The following HSPA4 variants were observed in gnomAD, a reference collection of about 807,000 sequenced individuals.
HSPA4 encodes the protein heat shock 70 kDa protein 4.
In HSPA4, 25 loss-of-function variants were observed where a neutral mutation model predicts 106.2. That is an observed-to-expected ratio of 0.24 (90% CI 0.17 to 0.33). HSPA4 has a LOEUF of 0.33. Among genes scored for constraint, HSPA4 ranks in the 10% least tolerant of loss-of-function variants. The probability of loss-of-function intolerance (pLI) is 1.00; values close to 1 mark genes in which losing one functional copy is unlikely to be tolerated. For missense variants in HSPA4, 841 were observed against 996.0 expected (o/e 0.84, Z 2.10); for synonymous variants, 332 against 333.6 (o/e 1.00, Z 0.05).
At chr5:133,059,761 A>C (rs1561575711) in intron 1 of HSPA4, among the ~76,000 whole-genome samples, 1 of 151,980 alleles carries the variant, frequency 6.6e-6, no homozygotes, top group Non-Finnish European at 1.5e-5. Flanking sequence ...CATTTCTCAG[A>C]GAATATAGGA....
intron 13 of HSPA4, among the ~76,000 whole-genome samples, chr5:133,094,526 A>C (rs114104486): frequency 1.3e-3 from 196 of 152,336 alleles, no homozygotes; most frequent in Non-Finnish European, 2.5e-3. Context: ...TCAAGATGGA[A>C]GACCCTTTAT....
At chr5:133,060,898 C>T (rs1287177461) in intron 1 of HSPA4, among the ~76,000 whole-genome samples, 1 of 146,732 alleles carries the variant, frequency 6.8e-6, no homozygotes, top group African/African-American at 2.6e-5. Context: ...TAGCTCACTG[C>T]AACCTTGACT....
chr5:133,052,873 G>C (rs965978699), intron 1 of HSPA4: 5 of 153,050 alleles, frequency 3.3e-5, no homozygotes, highest in African/African-American at 1.2e-4. Flanking sequence ...GGAAGAGAGC[G>C]AGCTGGAGCA....
intron 13 of HSPA4, 102 bp downstream of exon 13, chr5:133,092,891 G>T (rs913212618): frequency 3.0e-6 from 2 of 657,464 alleles, no homozygotes; most frequent in East Asian, 5.9e-5. Flanking sequence ...CATGATCTCG[G>T]CTCGCTGCAT....
chr5:133,096,315 C>G, intron 14 of HSPA4, 65 bp downstream of exon 14: 1 of 1,440,364 alleles, frequency 6.9e-7, no homozygotes, highest in Non-Finnish European at 9.6e-7. Context: ...TATTCAGACT[C>G]TGTGTCTAGT....
At chr5:133,090,067 T>C (rs546814017) in intron 11 of HSPA4, among the ~76,000 whole-genome samples, 3 of 152,336 alleles carry the variant, frequency 2.0e-5, no homozygotes, top group East Asian at 1.9e-4. Context: ...TTATAACTTA[T>C]GTATAAGGTG....
chr5:133,071,444 TC>T (rs1418902604), intron 4 of HSPA4, among the ~76,000 whole-genome samples: 1 of 152,170 alleles, frequency 6.6e-6, no homozygotes, highest in African/African-American at 2.4e-5. Context: ...TGAGACCCTG[TC>T]TCAAAAAACT....
At position 133,104,559 on chromosome 5, in the gene HSPA4, G is replaced by A. The variant is rs1359697499; in HGVS notation, c.*123G>A. On this transcript the variant is annotated 3_prime_UTR_variant, in exon 19 of 19. Transcript: ENST00000304858. ...CTTAGTCAGTTTTTAGGGGATTTTCGGGGAGGGGAAATAGGTAATGTATGG... is the reference window on the plus strand; with the variant it reads ...CTTAGTCAGTTTTTAGGGGATTTTCAGGGAGGGGAAATAGGTAATGTATGG... 6.0e-6 allele frequency: 5 copies of A among 829,318 alleles called. No homozygotes were observed. Among genetic ancestry groups the A allele is most frequent in the South Asian group, 1.8e-5 (1 of 56,736 alleles). The allele number at this position is 829,318 out of a possible 1,614,324, so 51.4% of individuals were successfully genotyped here. A position where few individuals can be genotyped will look rare whatever the true frequency, so the allele number is the denominator to read the frequency against.
chr5:133,094,220 T>C (rs187130760), intron 13 of HSPA4, among the ~76,000 whole-genome samples: 12 of 152,366 alleles, frequency 7.9e-5, no homozygotes, highest in Admixed American at 5.2e-4. Flanking sequence ...AATTTTGAGT[T>C]GTCATGTTTA....
At chr5:133,081,885 G>A (rs1765518184) in intron 7 of HSPA4, among the ~76,000 whole-genome samples, 2 of 152,052 alleles carry the variant, frequency 1.3e-5, no homozygotes, top group Admixed American at 6.6e-5. Context: ...AAAAAAATCT[G>A]CATCAAATTA....
chr5:133,065,172 C>T (rs1204248901), intron 2 of HSPA4, 135 bp downstream of exon 2: 1 of 674,718 alleles, frequency 1.5e-6, no homozygotes. Context: ...GACCTCTTCT[C>T]TGTTCCCATG....
rs917835377 is a variant in HSPA4, at chr5:133,052,052, G to A, written c.-199G>A. ...CCCCGCTACCGGCGCCTCCTCTGCG[G>A]CCACTGAGCCGGAGCCGGCCTGAGC... is the stretch of plus-strand genomic sequence containing the variant. On this transcript the variant is annotated 5_prime_UTR_variant, in exon 1 of 19. Transcript: ENST00000304858. The A allele has an allele frequency of 1.9e-5, 10 of 530,428 alleles. No individual in the cohort carries two copies. Among genetic ancestry groups the A allele is most frequent in the Non-Finnish European group, 3.0e-5 (9 of 298,756 alleles). The allele number at this position is 530,428 out of a possible 1,614,324, so 32.9% of individuals were successfully genotyped here.
intron 16 of HSPA4, among the ~76,000 whole-genome samples, chr5:133,100,002 T>A (rs1250825685): frequency 2.0e-5 from 3 of 152,184 alleles, no homozygotes; most frequent in African/African-American, 7.2e-5. Context: ...TTTGGATTCT[T>A]GATAAAAGCA....
Position 133,076,816 on chromosome 5 carries a change from T to C in HSPA4, c.826T>C (p.Leu276=), listed in dbSNP as rs145548542. The change falls in exon 7 of 19, where the codon TTG becomes CTG. Residue 276 remains leucine (L), a synonymous_variant. Coordinates refer to ENST00000304858, the MANE Select transcript of HSPA4 (RefSeq NM_002154.4). The stretch of plus-strand genomic sequence containing the variant: ...TCAGGAGTGTGAGAAACTCAAGAAA[T>C]TGATGAGTGCAAATGCTTCAGATCT... ...LSQECEKLKK[L]MSANASDLPL... 729 of 1,613,500 alleles carry C rather than the reference T, an allele frequency of 4.5e-4. 6 individuals are homozygous for C. The African/African-American group carries it at 9.0e-3, about 20-fold the overall frequency.
intron 7 of HSPA4, among the ~76,000 whole-genome samples, chr5:133,085,039 G>A (rs925795915): frequency 6.6e-6 from 1 of 151,896 alleles, no homozygotes; most frequent in African/African-American, 2.4e-5. Context: ...GAACTCCTGG[G>A]CTCAAGCCTT....
chr5:133,093,163 T>G (rs1473743734), intron 13 of HSPA4, among the ~76,000 whole-genome samples: 1 of 151,968 alleles, frequency 6.6e-6, no homozygotes, highest in Non-Finnish European at 1.5e-5. Flanking sequence ...CTGCAGTCTT[T>G]TTAAAGTACA....
intron 4 of HSPA4, among the ~76,000 whole-genome samples, chr5:133,071,284 C>CAAA (rs755520266): frequency 1.1e-4 from 7 of 62,084 alleles, no homozygotes; most frequent in East Asian, 3.9e-4. Flanking sequence ...CTGTCTTTAC[C>CAAA]AAAAAAAAAA....
At chr5:133,092,026 G>A (rs1765653687) in intron 12 of HSPA4, among the ~76,000 whole-genome samples, 1 of 152,106 alleles carries the variant, frequency 6.6e-6, no homozygotes, top group Non-Finnish European at 1.5e-5. Context: ...TCTAGCCTAT[G>A]TGTCAGAGTG....
chr5:133,064,289 T>A (rs779615366), intron 1 of HSPA4, among the ~76,000 whole-genome samples: 52 of 152,204 alleles, frequency 3.4e-4, no homozygotes, highest in Non-Finnish European at 6.3e-4. Context: ...GTGAATCATC[T>A]GAGGTCAGGA....
Sources: allele counts gnomAD v4.1 joint callset (sites outside exome capture counted in the v4.1 genomes callset), GRCh38; gene constraint gnomAD v4.1.1; transcripts MANE v1.5; gene names NCBI Gene and HGNC (gene_info 2026-07-23, HGNC 2026-07-21).